TMEM131: variants seen among roughly 807,000 people sequenced by gnomAD.
TMEM131 encodes the protein transmembrane protein 131.
A neutral mutation model predicts 211.6 loss-of-function variants in TMEM131; 66 were observed. The ratio of observed to expected loss-of-function variants is 0.31; its 90% CI spans 0.26 to 0.38. The LOEUF (loss-of-function observed/expected upper bound fraction) is 0.38, where lower values mean the gene tolerates loss of function less well. Ranked by LOEUF, TMEM131 falls within the 10% of genes least tolerant of loss-of-function variation. The pLI is 1.00. For missense variants in TMEM131, 2,036 were observed against 2,299.3 expected (o/e 0.89, Z 2.34); for synonymous variants, 844 against 841.3 (o/e 1.00, Z -0.06).
chr2:97,947,355 T>C (rs945238170), intron 1 of TMEM131, among the ~76,000 whole-genome samples: 2 of 152,114 alleles, frequency 1.3e-5, no homozygotes, highest in African/African-American at 2.4e-5. Context: ...TTTTTGATTC[T>C]GGTACAATTT....
At chr2:97,910,032 A>G (rs899492253) in intron 2 of TMEM131, among the ~76,000 whole-genome samples, 2 of 152,214 alleles carry the variant, frequency 1.3e-5, no homozygotes, top group African/African-American at 2.4e-5. Flanking sequence ...CTGCAACTCA[A>G]TAACAGAAGA....
rs372314697 is a variant in TMEM131 at position 97,786,213 on chromosome 2, C to T, written c.4144+6173G>A. Among the ~76,000 whole-genome samples, 34 of 152,216 alleles carry T rather than the reference C, an allele frequency of 2.2e-4. No homozygotes were observed. In the South Asian group the frequency reaches 4.6e-3, roughly 20 times the overall value. On this transcript the variant is annotated intron_variant, in intron 31 of 40. Coordinates refer to ENST00000186436, the MANE Select transcript of TMEM131 (RefSeq NM_015348.2). ...AAGAGATCTCTGAATTTATTATTTG[C>T]ACGTGAATCTACAAGCATCTCAAAA...
At chr2:97,929,996 T>C (rs1324212140) in intron 1 of TMEM131, among the ~76,000 whole-genome samples, 1 of 151,642 alleles carries the variant, frequency 6.6e-6, no homozygotes, top group East Asian at 1.9e-4. Flanking sequence ...TATAAAAGGC[T>C]CTGCTCAGCT....
At chr2:97,837,589 G>A (rs1682996030) in intron 7 of TMEM131, among the ~76,000 whole-genome samples, 3 of 152,170 alleles carry the variant, frequency 2.0e-5, no homozygotes, top group African/African-American at 7.2e-5. Context: ...CCATAATTGT[G>A]AGATGGGGAA....
At chr2:97,839,767 A>T (rs536509123) in intron 7 of TMEM131, among the ~76,000 whole-genome samples, 2 of 152,364 alleles carry the variant, frequency 1.3e-5, no homozygotes, top group South Asian at 4.1e-4. Flanking sequence ...AGTTGAAATA[A>T]CATTTTGGCC....
At position 97,756,802 on chromosome 2, in the gene TMEM131, A is replaced by C; in HGVS notation, c.*297T>G. The C allele has an allele frequency of 4.2e-6, 1 of 239,920 alleles. No individual in the cohort carries two copies. Among genetic ancestry groups the C allele is most frequent in the Non-Finnish European group, 7.9e-6 (1 of 126,050 alleles). 14.9% of individuals were successfully genotyped at this position (239,920 alleles called of 1,614,324 possible). A position where few individuals can be genotyped will look rare whatever the true frequency, so the allele number is the denominator to read the frequency against. On this transcript the variant is annotated 3_prime_UTR_variant, in exon 41 of 41. Coordinates refer to ENST00000186436, the MANE Select transcript of TMEM131 (RefSeq NM_015348.2). ...CATACAGATAAATAAAGCATGGGGA[A>C]GACAGGTGGTGAAAACGCAGTAACG... is the stretch of plus-strand genomic sequence containing the variant.
chr2:97,993,254 A>G (rs1680340094), intron 1 of TMEM131, among the ~76,000 whole-genome samples: 1 of 152,246 alleles, frequency 6.6e-6, no homozygotes, highest in South Asian at 2.1e-4. Context: ...TGCTACTTCA[A>G]TAGACACAAA....
intron 1 of TMEM131, among the ~76,000 whole-genome samples, chr2:97,939,781 C>T (rs1476571525): frequency 6.6e-6 from 1 of 152,182 alleles, no homozygotes; most frequent in Non-Finnish European, 1.5e-5. Context: ...CAATAAAATA[C>T]TGGCAAACTG....
At chr2:97,945,432 A>G (rs1677988873) in intron 1 of TMEM131, among the ~76,000 whole-genome samples, 1 of 152,182 alleles carries the variant, frequency 6.6e-6, no homozygotes, top group African/African-American at 2.4e-5. Flanking sequence ...TATACACTTT[A>G]AAAGGTGAAG....
intron 1 of TMEM131, among the ~76,000 whole-genome samples, chr2:97,986,788 G>C (rs1383217909): frequency 1.3e-5 from 2 of 152,194 alleles, no homozygotes; most frequent in African/African-American, 4.8e-5. Flanking sequence ...CCAATCCATA[G>C]AAGCATTTCT....
At chr2:97,770,193 G>A (rs1679396185) in intron 33 of TMEM131, among the ~76,000 whole-genome samples, 1 of 152,162 alleles carries the variant, frequency 6.6e-6, no homozygotes, top group Non-Finnish European at 1.5e-5. Context: ...ATGCAGTGGA[G>A]TCACAGAATG....
chr2:97,879,705 TAATG>T (rs571049463), intron 4 of TMEM131, among the ~76,000 whole-genome samples: 170 of 152,338 alleles, frequency 1.1e-3, no homozygotes, highest in African/African-American at 4.1e-3. Context: ...CACCTCCACT[TAATG>T]AATGAGAATT....
intron 3 of TMEM131, among the ~76,000 whole-genome samples, chr2:97,900,744 C>T (rs1675820140): frequency 6.6e-6 from 1 of 152,100 alleles, no homozygotes; most frequent in African/African-American, 2.4e-5. Context: ...TATGAATTTG[C>T]TGGATCACAT....
At chr2:97,821,695 C>T (rs1010358245) in intron 11 of TMEM131, among the ~76,000 whole-genome samples, 6 of 152,204 alleles carry the variant, frequency 3.9e-5, no homozygotes, top group South Asian at 2.1e-4. Context: ...CACCACTGGA[C>T]CCCTTTCACT....
rs1464437690 is a variant in TMEM131, at chr2:97,766,218, A to C, written c.4619T>G (p.Phe1540Cys). Residue 1540 changes from phenylalanine to cysteine, a missense_variant, in exon 35 of 41, where the codon TTC becomes TGC. Physicochemically the swap from Phe to Cys is radical, Grantham distance 205 (BLOSUM62 -2). This residue lies in a region of TMEM131 where 1,623 missense variants were observed against 1,805.9 expected (regional missense o/e 0.90). Transcript: ENST00000186436. Reference protein sequence around the residue: ...VDNRPPALAKFLPNSQELGNT... With the variant: ...VDNRPPALAKCLPNSQELGNT... ...GCCTAATTCTTGACTATTCGGGAGG[A>C]ATTTTGCTAGGGCAGGTGGTCTGTT... 27 of 1,613,874 alleles carry C rather than the reference A, an allele frequency of 1.7e-5. No individual in the cohort carries two copies. Among genetic ancestry groups the C allele is most frequent in the Non-Finnish European group, 2.3e-5 (27 of 1,179,898 alleles).
intron 22 of TMEM131, among the ~76,000 whole-genome samples, chr2:97,802,998 CCT>C (rs1315995276): frequency 1.3e-5 from 2 of 152,102 alleles, no homozygotes; most frequent in African/African-American, 4.8e-5. Context: ...TGTCACAGAT[CCT>C]CTGTTTCTGT....
chr2:97,938,200 A>G (rs1222852255), intron 1 of TMEM131, among the ~76,000 whole-genome samples: 3 of 152,178 alleles, frequency 2.0e-5, no homozygotes, highest in African/African-American at 4.8e-5. Flanking sequence ...AATGTAAATG[A>G]GCTAAATGCT....
chr2:97,814,198 C>A, intron 14 of TMEM131, 37 bp downstream of exon 14: 1 of 1,610,354 alleles, frequency 6.2e-7, no homozygotes, highest in Non-Finnish European at 8.5e-7. Context: ...AGTTGGTAGA[C>A]CAGGAAAATT....
intron 4 of TMEM131, among the ~76,000 whole-genome samples, chr2:97,882,951 T>C (rs1181988914): frequency 6.6e-6 from 1 of 152,170 alleles, no homozygotes; most frequent in Non-Finnish European, 1.5e-5. Context: ...AAATGACAAA[T>C]TTATTTTTCA....
Sources: allele counts gnomAD v4.1 joint callset (sites outside exome capture counted in the v4.1 genomes callset), GRCh38; gene constraint gnomAD v4.1.1; regional missense constraint gnomAD v4.1.1; transcripts MANE v1.5; gene names NCBI Gene and HGNC (gene_info 2026-07-23, HGNC 2026-07-21).